Variants in RALGAPA2 observed in about 807,000 individuals in gnomAD.
The protein encoded by RALGAPA2 is ral GTPase-activating protein subunit alpha-2.
In RALGAPA2, 139 loss-of-function variants were observed where a neutral mutation model predicts 230.4. The ratio of observed to expected loss-of-function variants is 0.60; its 90% confidence interval spans 0.53 to 0.69. The LOEUF (loss-of-function observed/expected upper bound fraction) is 0.69, where lower values mean the gene tolerates loss of function less well. RALGAPA2 is among the 30% of genes least tolerant of loss of function. The pLI, the probability that RALGAPA2 is intolerant of heterozygous loss-of-function variation, is 0.00. For synonymous variants in RALGAPA2, 847 were observed against 837.8 expected (o/e 1.01, Z -0.19); for missense variants, 2,163 against 2,276.0 (o/e 0.95, Z 1.01).
At chr20:20,436,275 A>T (rs1432573067) in intron 37 of RALGAPA2, among the ~76,000 whole-genome samples, 1 of 152,218 alleles carries the variant, frequency 6.6e-6, no homozygotes, top group East Asian at 1.9e-4. Flanking sequence ...GAGCTACTGA[A>T]ATCCTTAGTA....
chr20:20,655,279 G>A (rs966252044), intron 3 of RALGAPA2, among the ~76,000 whole-genome samples: 1 of 151,356 alleles, frequency 6.6e-6, no homozygotes, highest in Non-Finnish European at 1.5e-5. Flanking sequence ...ATGAATAGTG[G>A]GCAAGAGAGA....
intron 30 of RALGAPA2, among the ~76,000 whole-genome samples, chr20:20,523,534 C>T (rs531378559): frequency 1.3e-5 from 2 of 152,206 alleles, no homozygotes; most frequent in South Asian, 4.1e-4. Context: ...AGTAGGGTGG[C>T]TGTAGTTAAC....
At chr20:20,563,467 T>C (rs996981396) in intron 23 of RALGAPA2, among the ~76,000 whole-genome samples, 1 of 152,154 alleles carries the variant, frequency 6.6e-6, no homozygotes, top group African/African-American at 2.4e-5. Context: ...AATTAGAAAA[T>C]ATGTTCTCTT....
chr20:20,659,646 A>G (rs564509408), intron 3 of RALGAPA2: 25 of 305,022 alleles, frequency 8.2e-5, no homozygotes, highest in African/African-American at 5.2e-4. Flanking sequence ...AACAACTAAC[A>G]TAAGACAACA....
At chr20:20,514,121 T>A (rs1444846992) in intron 31 of RALGAPA2, among the ~76,000 whole-genome samples, 2 of 150,630 alleles carry the variant, frequency 1.3e-5, no homozygotes, top group Non-Finnish European at 3.0e-5. Context: ...TGTGCACACA[T>A]CATGGTATAG....
At position 20,712,308 on chromosome 20, in the gene RALGAPA2, A is replaced by G; in HGVS notation, c.106+67T>C. 7.2e-7 allele frequency: 1 copy of G among 1,395,442 alleles called. No homozygotes were observed. The highest frequency in any genetic ancestry group is 1.5e-5 in the African/African-American group (1 of 68,190). 86.4% of individuals were successfully genotyped at this position (1,395,442 alleles called of 1,614,324 possible). On this transcript the variant is annotated intron_variant, in intron 1 of 39. Transcript: ENST00000202677. This position sits in a 1 kb window ranked among gnomAD's most constrained non-coding sequence, Gnocchi z 5.5. ...CTCCCAGCCACCGACCCCTGCACAG[A>G]GGAGCGCCCTCCCGGCAGGTGCCCC... is the stretch of plus-strand genomic sequence containing the variant.
intron 24 of RALGAPA2, among the ~76,000 whole-genome samples, chr20:20,538,813 G>A (rs1446677303): frequency 6.6e-6 from 1 of 152,096 alleles, no homozygotes; most frequent in African/African-American, 2.4e-5. Flanking sequence ...GAGCCCTGAG[G>A]ACGAAGAGAC....
intron 15 of RALGAPA2, 44 bp downstream of exon 15, chr20:20,605,131 C>A (rs2065779765): frequency 6.7e-7 from 1 of 1,499,650 alleles, no homozygotes; most frequent in Non-Finnish European, 9.2e-7. Context: ...CACACTCGTC[C>A]CCAGTCCTAG....
intron 39 of RALGAPA2, among the ~76,000 whole-genome samples, chr20:20,395,128 C>A (rs978327264): frequency 6.6e-6 from 1 of 152,202 alleles, no homozygotes; most frequent in Non-Finnish European, 1.5e-5. Flanking sequence ...GGAAGCTCTG[C>A]AGAGAAGGGG....
chr20:20,649,627 T>C (rs1032443587), intron 4 of RALGAPA2, among the ~76,000 whole-genome samples: 5 of 152,208 alleles, frequency 3.3e-5, no homozygotes, highest in African/African-American at 7.2e-5. Context: ...ACATTTTTTA[T>C]ATAAAACATC....
chr20:20,444,288 C>A (rs1205381230), intron 37 of RALGAPA2, among the ~76,000 whole-genome samples: 3 of 152,106 alleles, frequency 2.0e-5, no homozygotes, highest in African/African-American at 4.8e-5. Flanking sequence ...TATTTTAATA[C>A]AAAAATGTTG....
chr20:20,690,739 G>A (rs959470740), intron 1 of RALGAPA2, among the ~76,000 whole-genome samples: 21 of 151,890 alleles, frequency 1.4e-4, no homozygotes, highest in Non-Finnish European at 2.5e-4. Context: ...CATACCACCA[G>A]GCCTAAGATG....
intron 37 of RALGAPA2, among the ~76,000 whole-genome samples, chr20:20,423,037 TG>T (rs1181125190): frequency 6.6e-6 from 1 of 152,046 alleles, no homozygotes; most frequent in Non-Finnish European, 1.5e-5. Flanking sequence ...TGAGAGATAA[TG>T]GGGCAGGGAG....
intron 36 of RALGAPA2, among the ~76,000 whole-genome samples, chr20:20,482,354 C>T (rs540426656): frequency 4.6e-5 from 7 of 152,108 alleles, no homozygotes; most frequent in African/African-American, 7.2e-5. Context: ...TTAGGGTGGA[C>T]GCAGATAAAA....
At chr20:20,521,868 A>G (rs904403966) in intron 30 of RALGAPA2, among the ~76,000 whole-genome samples, 2 of 152,264 alleles carry the variant, frequency 1.3e-5, no homozygotes, top group African/African-American at 4.8e-5. Context: ...AAGTAAATTC[A>G]CTTTTAGATG....
chr20:20,707,762 G>C (rs993287474), intron 1 of RALGAPA2, among the ~76,000 whole-genome samples: 3 of 151,992 alleles, frequency 2.0e-5, no homozygotes, highest in African/African-American at 7.2e-5. Flanking sequence ...GCTTCTGCTT[G>C]TCAGGCTACT....
At chr20:20,530,720 G>A (rs962679693) in intron 27 of RALGAPA2, among the ~76,000 whole-genome samples, 4 of 152,190 alleles carry the variant, frequency 2.6e-5, no homozygotes, top group African/African-American at 7.2e-5. Flanking sequence ...GGTGTTAGGT[G>A]GATGGTTCAG....
At chr20:20,615,732 G>A (rs1044972311) in intron 13 of RALGAPA2, among the ~76,000 whole-genome samples, 1 of 152,162 alleles carries the variant, frequency 6.6e-6, no homozygotes, top group African/African-American at 2.4e-5. Flanking sequence ...ACTCTCCTGA[G>A]CTTATGGTGA....
chr20:20,407,717 TA>T (rs2059975148), intron 38 of RALGAPA2, among the ~76,000 whole-genome samples: 1 of 152,218 alleles, frequency 6.6e-6, no homozygotes, highest in Admixed American at 6.5e-5. Flanking sequence ...AAACTTAACA[TA>T]ACGACTGTGT....
Sources: gnomAD v4.1 joint callset for allele counts (sites outside exome capture counted in the v4.1 genomes callset) on GRCh38, gnomAD v4.1.1 for gene constraint, Gnocchi (gnomAD v3.1) non-coding constraint, MANE v1.5 for transcripts, NCBI Gene and HGNC (gene_info 2026-07-23, HGNC 2026-07-21) for gene names.